Variants in RSRP1 observed in about 807,000 individuals in gnomAD.
RSRP1 encodes arginine/serine-rich protein 1.
In RSRP1, 37 loss-of-function variants were observed where a neutral mutation model predicts 33.0. That is an observed-to-expected ratio of 1.12 (90% CI 0.86 to 1.48). The LOEUF is 1.48. Among genes scored for constraint, RSRP1 ranks in the 40% most tolerant of loss-of-function variants. The probability of loss-of-function intolerance (pLI) is 0.00; values close to 1 mark genes in which losing one functional copy is unlikely to be tolerated. For missense variants in RSRP1, 402 were observed against 385.3 expected (o/e 1.04, Z -0.36); for synonymous variants, 167 against 158.7 (o/e 1.05, Z -0.40).
At chr1:25,303,439 G>C (rs762881746) in intron 1 of RSRP1, 1 of 1,378,878 alleles carries the variant, frequency 7.3e-7, no homozygotes, top group African/African-American at 1.4e-5. Context: ...GATCTCCGTC[G>C]GGGGAGCCAA....
rs1639426075 is a variant in RSRP1 at position 25,246,596 on chromosome 1, C to A, written c.368G>T (p.Gly123Val). 3 of 1,614,172 alleles carry A rather than the reference C, an allele frequency of 1.9e-6. No homozygotes were observed. Among genetic ancestry groups the A allele is most frequent in the Non-Finnish European group, 2.5e-6 (3 of 1,180,046 alleles). Reference protein sequence around the residue: ...SRSRSRSRSRGRSYCGRAYAI... With the variant: ...SRSRSRSRSRVRSYCGRAYAI... ...GTACGCCCTTCCGCAGTACGACCTT[C>A]CCCGAGAGCGCGACCTGCTACGGGA... The change falls in exon 2 of 5, where the codon GGA becomes GTA. Residue 123 changes from glycine to valine, a missense_variant. Coordinates refer to ENST00000243189, the MANE Select transcript of RSRP1 (RefSeq NM_020317.5).
At chr1:25,264,032 G>A (rs139038089) in intron 1 of RSRP1, among the ~76,000 whole-genome samples, 7,559 of 152,118 alleles carry the variant, frequency 0.05, 272 homozygotes, top group Non-Finnish European at 0.074. Context: ...GAAGGGGTGG[G>A]TTCCCATGGT....
intron 1 of RSRP1, among the ~76,000 whole-genome samples, chr1:25,264,581 A>G (rs1429055892): frequency 1.3e-5 from 2 of 151,508 alleles, no homozygotes; most frequent in African/African-American, 4.9e-5. Flanking sequence ...TTTTTTCCTG[A>G]TACCTCTGGA....
At chr1:25,263,419 G>A (rs535270929) in intron 1 of RSRP1, among the ~76,000 whole-genome samples, 39 of 151,960 alleles carry the variant, frequency 2.6e-4, no homozygotes, top group Middle Eastern at 3.4e-3. Context: ...CAATCATGGC[G>A]AAAGGCAATG....
chr1:25,329,709 AG>A lies in RSRP1; in HGVS notation c.-67+8268del, dbSNP rs1644955804. On this transcript the variant is annotated intron_variant, in intron 1 of 1. Coordinates refer to the RSRP1 transcript ENST00000561867. The stretch of plus-strand genomic sequence containing the variant: ...TCACTCTGTCACCAGGCTGGAGTGC[AG>A]TGCCGCAATCTCGGCTCACTGCAAC... 1.5e-5 allele frequency: 2 copies of A among 130,294 alleles called. 1 individual carries two copies. The highest frequency in any genetic ancestry group is 3.6e-5 in the Non-Finnish European group (2 of 55,230). The allele number at this position is 130,294 out of a possible 1,614,324, so 8.1% of individuals were successfully genotyped here. A position where few individuals can be genotyped will look rare whatever the true frequency, so the allele number is the denominator to read the frequency against.
intron 1 of RSRP1, among the ~76,000 whole-genome samples, chr1:25,265,594 A>C (rs1324395965): frequency 5.4e-5 from 2 of 37,206 alleles, no homozygotes; most frequent in East Asian, 6.2e-4. Context: ...CAGCCTCCCG[A>C]GTAGTTGGGA....
chr1:25,266,976 G>A (rs1303554090), intron 1 of RSRP1: 2 of 123,318 alleles, frequency 1.6e-5, no homozygotes, highest in Non-Finnish European at 3.7e-5. Flanking sequence ...CGTTGCGCCT[G>A]TGCTTCCTGC....
At chr1:25,275,283 G>C (rs1469730387) in intron 1 of RSRP1, among the ~76,000 whole-genome samples, 2 of 132,180 alleles carry the variant, frequency 1.5e-5, no homozygotes, top group East Asian at 3.9e-4. Context: ...GTGGGACTCT[G>C]TCTGAAAAAA....
At chr1:25,301,569 GAGA>G (rs761880850) in intron 1 of RSRP1, 1 of 1,379,592 alleles carries the variant, frequency 7.2e-7, no homozygotes, top group East Asian at 2.2e-5. Context: ...CTGCTCTGCT[GAGA>G]AGTCCAATCG....
At chr1:25,243,205 A>C (rs1639019552) in intron 4 of RSRP1, among the ~76,000 whole-genome samples, 1 of 152,240 alleles carries the variant, frequency 6.6e-6, no homozygotes, top group Non-Finnish European at 1.5e-5. Context: ...CTGGACATAC[A>C]CAAGATACAC....
Position 25,306,818 on chromosome 1 carries a change from C to T in RSRP1, c.-67+31160G>A, listed in dbSNP as rs763475977. 5.0e-4 allele frequency: 586 copies of T among 1,164,098 alleles called. 146 individuals are homozygous for T. The highest frequency in any genetic ancestry group is 6.9e-4 in the Non-Finnish European group (541 of 787,404). 72.1% of individuals were successfully genotyped at this position (1,164,098 alleles called of 1,614,324 possible). ...GCAGAGTCCTTAGCTGGGGCGTGTG[C>T]ACTCGGGGCCAGGTGCTCAGTAGGC... On this transcript the variant is annotated intron_variant, in intron 1 of 1. Transcript: ENST00000561867.
At chr1:25,329,502 C>G (rs1644946133) in intron 1 of RSRP1, 2 of 208,396 alleles carry the variant, frequency 9.6e-6, no homozygotes, top group Non-Finnish European at 2.1e-5. Flanking sequence ...CTCGGCCTCC[C>G]AAAGTGCTGG....
At chr1:25,320,366 A>G (rs1644637061) in intron 1 of RSRP1, among the ~76,000 whole-genome samples, 2 of 132,280 alleles carry the variant, frequency 1.5e-5, no homozygotes, top group African/African-American at 5.1e-5. Context: ...AATATGTTTA[A>G]TGTTGTCTCA....
chr1:25,299,668 C>T (rs1643229918), intron 1 of RSRP1, among the ~76,000 whole-genome samples: 1 of 131,558 alleles, frequency 7.6e-6, no homozygotes, highest in South Asian at 2.3e-4. Context: ...AGGGTCGTGG[C>T]AAGAACCTGG....
intron 3 of RSRP1, chr1:25,244,383 A>C (rs1365304089): frequency 1.6e-6 from 2 of 1,289,214 alleles, no homozygotes; most frequent in African/African-American, 1.5e-5. Context: ...CCAACAAAAA[A>C]ACTAAGTTTT....
intron 1 of RSRP1, among the ~76,000 whole-genome samples, chr1:25,259,339 T>C (rs906015944): frequency 5.3e-5 from 8 of 152,202 alleles, no homozygotes; most frequent in East Asian, 1.9e-4. Context: ...GTGATCTGCC[T>C]GCCTCGGCCT....
chr1:25,312,938 A>C (rs1484709963), intron 1 of RSRP1, among the ~76,000 whole-genome samples: 1 of 107,268 alleles, frequency 9.3e-6, no homozygotes, highest in African/African-American at 2.9e-5. Context: ...AAAAAAAAAA[A>C]AAAAAAAAAA....
intron 1 of RSRP1, chr1:25,253,608 A>G (rs929702956): frequency 1.3e-5 from 2 of 152,056 alleles, no homozygotes; most frequent in African/African-American, 4.8e-5. Flanking sequence ...TGATCCGCCC[A>G]CCTCGCCTCC....
intron 1 of RSRP1, among the ~76,000 whole-genome samples, chr1:25,314,375 A>T (rs1644323456): frequency 7.5e-6 from 1 of 132,870 alleles, no homozygotes; most frequent in African/African-American, 2.6e-5. Context: ...TTTCTTGTGA[A>T]ATGTCTATTC....
Sources: allele counts gnomAD v4.1 joint callset (sites outside exome capture counted in the v4.1 genomes callset), GRCh38; gene constraint gnomAD v4.1.1; transcripts MANE v1.5; gene names NCBI Gene and HGNC (gene_info 2026-07-23, HGNC 2026-07-21).